The following C8orf34 variants were observed in gnomAD, a reference collection of about 807,000 sequenced individuals.
C8orf34 encodes the protein chromosome 8 open reading frame 34.
Under a neutral mutation model 68.3 loss-of-function variants are expected in C8orf34, and 65 were observed. The observed-to-expected ratio is 0.95, with a 90% CI of 0.78 to 1.17. The LOEUF (loss-of-function observed/expected upper bound fraction) is 1.17. Ranked by LOEUF, C8orf34 falls within the 50% of genes most tolerant of loss-of-function variation. C8orf34 has a pLI of 0.00. For missense variants in C8orf34, 664 were observed against 655.4 expected (o/e 1.01, Z -0.14); for synonymous variants, 244 against 241.2 (o/e 1.01, Z -0.11).
chr8:68,570,388 CTAGA>C (rs1448575121), intron 7 of C8orf34, among the ~76,000 whole-genome samples: 2 of 152,194 alleles, frequency 1.3e-5, no homozygotes, highest in Admixed American at 6.5e-5. Flanking sequence ...CGTGTTCAAC[CTAGA>C]TAGAGTAATG....
At chr8:68,531,951 C>T (rs1284007215) in intron 6 of C8orf34, among the ~76,000 whole-genome samples, 2 of 152,014 alleles carry the variant, frequency 1.3e-5, no homozygotes. Flanking sequence ...ATTTCTTCCC[C>T]TGATTGAACA....
chr8:68,594,229 T>C (rs1817477783), intron 7 of C8orf34, among the ~76,000 whole-genome samples: 1 of 151,998 alleles, frequency 6.6e-6, no homozygotes, highest in Admixed American at 6.6e-5. Context: ...CTGTTTATTT[T>C]TCGTCCCCTT....
chr8:68,464,748 T>C (rs1371492069), intron 3 of C8orf34, among the ~76,000 whole-genome samples: 7 of 151,292 alleles, frequency 4.6e-5, no homozygotes, highest in Admixed American at 3.3e-4. Flanking sequence ...GCTAGCCATA[T>C]GGAGAAAGCT....
At chr8:68,650,341 G>C (rs1434158742) in intron 8 of C8orf34, among the ~76,000 whole-genome samples, 1 of 152,082 alleles carries the variant, frequency 6.6e-6, no homozygotes, top group Non-Finnish European at 1.5e-5. Context: ...TGCATTACCA[G>C]TTCCTTGGTG....
chr8:68,616,703 C>T (rs924181168), intron 7 of C8orf34, among the ~76,000 whole-genome samples: 8 of 152,040 alleles, frequency 5.3e-5, no homozygotes, highest in African/African-American at 1.7e-4. Flanking sequence ...GAGAGCTTTA[C>T]TTCCAACTAT....
At chr8:68,487,256 C>A (rs1586240802) in intron 4 of C8orf34, among the ~76,000 whole-genome samples, 1 of 151,952 alleles carries the variant, frequency 6.6e-6, no homozygotes, top group African/African-American at 2.4e-5. Context: ...CAGGAAAGGA[C>A]CCCTATCCCT....
At chr8:68,565,219 C>T (rs1816550172) in intron 7 of C8orf34, among the ~76,000 whole-genome samples, 1 of 152,148 alleles carries the variant, frequency 6.6e-6, no homozygotes, top group Non-Finnish European at 1.5e-5. Flanking sequence ...GGGTTTGTCT[C>T]TAGCACTGTA....
intron 8 of C8orf34, among the ~76,000 whole-genome samples, chr8:68,693,678 G>A (rs6992870): frequency 0.075 from 11,355 of 152,040 alleles, 608 homozygotes; most frequent in African/African-American, 0.15. Context: ...GTTTTGATAA[G>A]TGACCCAATA....
At chr8:68,766,650 C>T (rs768113466) in intron 10 of C8orf34, among the ~76,000 whole-genome samples, 4 of 152,104 alleles carry the variant, frequency 2.6e-5, no homozygotes, top group Non-Finnish European at 5.9e-5. Context: ...GGAATAGGCA[C>T]ATATCTTGGA....
chr8:68,393,368 A>T (rs1328466646), intron 1 of C8orf34, among the ~76,000 whole-genome samples: 1 of 152,164 alleles, frequency 6.6e-6, no homozygotes, highest in African/African-American at 2.4e-5. Flanking sequence ...GAAGCAAAAA[A>T]AATAGAGGAC....
chr8:68,712,555 A>G (rs1158304965), intron 9 of C8orf34, among the ~76,000 whole-genome samples: 4 of 152,286 alleles, frequency 2.6e-5, no homozygotes, highest in South Asian at 4.1e-4. Context: ...TATATCAGAC[A>G]AAACAAACTT....
chr8:68,716,617 T>C (rs771409003), intron 9 of C8orf34, among the ~76,000 whole-genome samples: 5 of 152,052 alleles, frequency 3.3e-5, no homozygotes, highest in Non-Finnish European at 7.3e-5. Context: ...ACCTTTTGAT[T>C]GGCATTGATG....
At chr8:68,814,854 T>C (rs914699689) in intron 12 of C8orf34, among the ~76,000 whole-genome samples, 2 of 152,336 alleles carry the variant, frequency 1.3e-5, no homozygotes, top group Admixed American at 1.3e-4. Flanking sequence ...TTTTTAAAAG[T>C]GATTGTTCTA....
intron 4 of C8orf34, among the ~76,000 whole-genome samples, chr8:68,469,932 T>TTGTGTGTGTG (rs34106520): frequency 6.7e-6 from 1 of 148,986 alleles, no homozygotes; most frequent in Non-Finnish European, 1.5e-5. Flanking sequence ...ATTTGGTATT[T>TTGTGTGTGTG]TGTGTGTGTG....
chr8:68,812,267 G>T (rs1019030761), intron 12 of C8orf34, among the ~76,000 whole-genome samples: 1 of 152,084 alleles, frequency 6.6e-6, no homozygotes. Flanking sequence ...AAAATAAATA[G>T]CATTTAGTAA....
intron 9 of C8orf34, among the ~76,000 whole-genome samples, chr8:68,717,389 A>C (rs56233240): frequency 6.6e-6 from 1 of 151,630 alleles, no homozygotes; most frequent in Non-Finnish European, 1.5e-5. Context: ...GCTACTCGGG[A>C]GGCTGAGGCA....
intron 10 of C8orf34, among the ~76,000 whole-genome samples, chr8:68,726,412 G>T (rs1055305669): frequency 4.1e-4 from 63 of 152,218 alleles, no homozygotes; most frequent in African/African-American, 1.4e-3. Context: ...CTGGGATGGG[G>T]AAACTACTGA....
chr8:68,593,187 A>C (rs568594788), intron 7 of C8orf34, among the ~76,000 whole-genome samples: 1 of 152,260 alleles, frequency 6.6e-6, no homozygotes, highest in Admixed American at 6.5e-5. Context: ...TTAGTCTATT[A>C]ATTAAATCAA....
At position 68,738,709 on chromosome 8, in the gene C8orf34, C is replaced by T. The variant is rs1379182385; in HGVS notation, c.1404+17272C>T. ...GAGGAAATGGATAAATTCCTGTATA[C>T]ATACATCCTCCCAAGAATAAACCAA... On this transcript the variant is annotated intron_variant, in intron 10 of 13. Transcript: ENST00000518698. Among the ~76,000 whole-genome samples the T allele has an allele frequency of 2.6e-5, 4 of 152,034 alleles. No individual in the cohort carries two copies. The East Asian group carries it at 7.7e-4, about 29-fold the overall frequency.
Sources: allele counts gnomAD v4.1 joint callset (sites outside exome capture counted in the v4.1 genomes callset), GRCh38; gene constraint gnomAD v4.1.1; transcripts MANE v1.5; gene names NCBI Gene and HGNC (gene_info 2026-07-23, HGNC 2026-07-21).